Variants in OXR1 observed in about 807,000 individuals in gnomAD.
The protein encoded by OXR1 is oxidation resistance 1, also known as oxidation resistance protein 1.
OXR1 carries 41 observed loss-of-function variants against 104.6 expected under a neutral mutation model. The ratio of observed to expected loss-of-function variants is 0.39; its 90% CI spans 0.31 to 0.51. The LOEUF is 0.51. OXR1 is among the 20% of genes least tolerant of loss of function. OXR1 has a pLI of 0.77. For missense variants in OXR1, 955 were observed against 1,031.9 expected (o/e 0.93, Z 1.02); for synonymous variants, 348 against 348.4 (o/e 1.00, Z 0.01).
chr8:106,443,075 A>T (rs1819859876), intron 2 of OXR1, among the ~76,000 whole-genome samples: 1 of 152,014 alleles, frequency 6.6e-6, no homozygotes, highest in African/African-American at 2.4e-5. Context: ...ACAGTGCTTT[A>T]TCTGTGTCCC....
At chr8:106,405,196 A>G (rs1818182691) in intron 2 of OXR1, among the ~76,000 whole-genome samples, 2 of 15,400 alleles carry the variant, frequency 1.3e-4, no homozygotes, top group Admixed American at 8.4e-4. Flanking sequence ...ATATATATAT[A>G]TATATAGTGT....
At chr8:106,470,912 G>T (rs2130678424) in intron 2 of OXR1, among the ~76,000 whole-genome samples, 1 of 151,948 alleles carries the variant, frequency 6.6e-6, no homozygotes, top group African/African-American at 2.4e-5. Flanking sequence ...GTTTAGCAAT[G>T]GTGATTGCTG....
intron 2 of OXR1, among the ~76,000 whole-genome samples, chr8:106,433,668 T>C (rs1382851986): frequency 1.3e-5 from 2 of 152,206 alleles, no homozygotes; most frequent in African/African-American, 4.8e-5. Context: ...ACTGTTATAA[T>C]GTTCTCCGTT....
Position 106,658,285 on chromosome 8 carries a change from T to C in OXR1, c.221-20925T>C, listed in dbSNP as rs538070377. 62 of 1,203,018 alleles carry C rather than the reference T, an allele frequency of 5.2e-5. No individual in the cohort carries two copies. The African/African-American group carries it at 8.5e-4, about 16-fold the overall frequency. 74.5% of individuals were successfully genotyped at this position (1,203,018 alleles called of 1,614,324 possible). A position where few individuals can be genotyped will look rare whatever the true frequency, so the allele number is the denominator to read the frequency against. ...CCGGGCGGGGGTCGCTGCCCGGCTC[T>C]GGCAGGTGTGCCTGGGCCGGGGCGG... On this transcript the variant is annotated intron_variant, in intron 3 of 16. Transcript: ENST00000517566.
At chr8:106,683,011 T>A (rs1039500330) in intron 4 of OXR1, among the ~76,000 whole-genome samples, 188 bp from the exon 5 acceptor site, 1 of 152,214 alleles carries the variant, frequency 6.6e-6, no homozygotes, top group African/African-American at 2.4e-5. Flanking sequence ...GCCTTTACTC[T>A]GTATTGTAAT....
chr8:106,744,422 C>G (rs1303113681), intron 15 of OXR1, among the ~76,000 whole-genome samples: 1 of 152,144 alleles, frequency 6.6e-6, no homozygotes, highest in Non-Finnish European at 1.5e-5. Flanking sequence ...ATATATAATA[C>G]TTGGGATGGC....
At chr8:106,636,424 C>T (rs1823141470) in intron 3 of OXR1, among the ~76,000 whole-genome samples, 1 of 151,904 alleles carries the variant, frequency 6.6e-6, no homozygotes, top group African/African-American at 2.4e-5. Flanking sequence ...GCTAGTATGT[C>T]TTATATTTTG....
chr8:106,727,247 T>C (rs1425554987), intron 11 of OXR1, among the ~76,000 whole-genome samples: 1 of 152,192 alleles, frequency 6.6e-6, no homozygotes, highest in Non-Finnish European at 1.5e-5. Flanking sequence ...TTTTTTTTAT[T>C]TGAAGTTTGA....
At chr8:106,305,717 A>G (rs1343038150) in intron 1 of OXR1, among the ~76,000 whole-genome samples, 7 of 152,038 alleles carry the variant, frequency 4.6e-5, no homozygotes, top group Non-Finnish European at 7.4e-5. Flanking sequence ...TCCAGGCCCA[A>G]TATCTCTTCC....
chr8:106,695,556 T>G (rs1829929325), intron 7 of OXR1, among the ~76,000 whole-genome samples: 1 of 152,036 alleles, frequency 6.6e-6, no homozygotes, highest in Non-Finnish European at 1.5e-5. Context: ...TAGCTGGGAC[T>G]ACAGGCACAT....
intron 2 of OXR1, among the ~76,000 whole-genome samples, chr8:106,376,922 C>G (rs1586582015): frequency 6.6e-6 from 1 of 152,190 alleles, no homozygotes; most frequent in South Asian, 2.1e-4. Flanking sequence ...ATACAAGTAT[C>G]CCCTACATTG....
intron 3 of OXR1, among the ~76,000 whole-genome samples, chr8:106,574,328 A>T (rs571813279): frequency 2.0e-5 from 3 of 152,202 alleles, no homozygotes; most frequent in Admixed American, 6.5e-5. Flanking sequence ...TTCAACTCCC[A>T]TCTCTAGGTC....
chr8:106,587,145 C>T (rs980649398), intron 3 of OXR1, among the ~76,000 whole-genome samples: 1 of 151,976 alleles, frequency 6.6e-6, no homozygotes, highest in Non-Finnish European at 1.5e-5. Flanking sequence ...TCAAGATTGT[C>T]TCTGAATAGG....
intron 2 of OXR1, among the ~76,000 whole-genome samples, chr8:106,382,651 A>G (rs1216215839): frequency 7.0e-6 from 1 of 143,784 alleles, no homozygotes; most frequent in Non-Finnish European, 1.5e-5. Context: ...TTTCTTTTCT[A>G]AAGTCTCCTA....
intron 3 of OXR1, among the ~76,000 whole-genome samples, chr8:106,660,347 C>T (rs1825634250): frequency 6.6e-6 from 1 of 152,176 alleles, no homozygotes; most frequent in Non-Finnish European, 1.5e-5. Context: ...GAATGAGTGT[C>T]TGTCAGTCTG....
chr8:106,581,155 G>A, intron 3 of OXR1: 1 of 1,271,888 alleles, frequency 7.9e-7, no homozygotes, highest in South Asian at 1.3e-5. Context: ...AAATAATCCG[G>A]TGAAATAGCA....
chr8:106,548,669 A>C (rs1815564420), intron 3 of OXR1, among the ~76,000 whole-genome samples: 1 of 152,200 alleles, frequency 6.6e-6, no homozygotes, highest in African/African-American at 2.4e-5. Flanking sequence ...TTAATTTATT[A>C]GTATACTGTA....
chr8:106,742,807 A>G (rs375494661), intron 15 of OXR1, among the ~76,000 whole-genome samples: 2 of 152,154 alleles, frequency 1.3e-5, no homozygotes, highest in Non-Finnish European at 2.9e-5. Flanking sequence ...TCAAGATGGG[A>G]TAGAGACTTA....
chr8:106,347,244 T>C (rs1194955423), intron 1 of OXR1, among the ~76,000 whole-genome samples: 1 of 152,224 alleles, frequency 6.6e-6, no homozygotes, highest in Non-Finnish European at 1.5e-5. Context: ...GAAAACATTT[T>C]CCTAAGCAAA....
Sources: gnomAD v4.1 joint callset for allele counts (sites outside exome capture counted in the v4.1 genomes callset) on GRCh38, gnomAD v4.1.1 for gene constraint, MANE v1.5 for transcripts, NCBI Gene and HGNC (gene_info 2026-07-23, HGNC 2026-07-21) for gene names.